SAMD3: variants seen among roughly 807,000 people sequenced by gnomAD.
SAMD3 encodes sterile alpha motif domain containing 3.
SAMD3 carries 63 observed loss-of-function variants against 58.5 expected under a neutral mutation model. That is an observed-to-expected ratio of 1.08 (90% CI 0.88 to 1.33). The LOEUF (loss-of-function observed/expected upper bound fraction) is 1.33. Ranked by LOEUF, SAMD3 falls within the 40% of genes most tolerant of loss-of-function variation. The pLI, the probability that SAMD3 is intolerant of heterozygous loss-of-function variation, is 0.00. For synonymous variants in SAMD3, 220 were observed against 210.3 expected (o/e 1.05, Z -0.40); for missense variants, 604 against 608.4 (o/e 0.99, Z 0.08).
intron 5 of SAMD3, among the ~76,000 whole-genome samples, chr6:130,202,517 A>C (rs1794730016): frequency 6.6e-6 from 1 of 152,212 alleles, no homozygotes. Flanking sequence ...GCACTCAGTA[A>C]TTATTTACAT....
chr6:130,175,884 A>G lies in SAMD3; in HGVS notation c.779T>C (p.Leu260Pro), dbSNP rs1483648170. ...AATTTCATCAAATCTTATATCAGCA[A>G]GAGATTTCCTTGTCTGGCCTCTTCG... is the stretch of plus-strand genomic sequence containing the variant. ...GHRRGQTRKS[L>P]ADIRFDEIKL... Residue 260 changes from leucine to proline, a missense_variant, in exon 8 of 12, where the codon CTT becomes CCT. Leu to Pro is a moderately conservative substitution (Grantham distance 98). Coordinates refer to ENST00000439090, the MANE Select transcript of SAMD3 (RefSeq NM_001017373.4). 2 of 1,612,144 alleles carry G rather than the reference A, an allele frequency of 1.2e-6. No homozygotes were observed. The highest frequency in any genetic ancestry group is 1.1e-5 in the South Asian group (1 of 90,940).
chr6:130,283,563 AG>A (rs1238233656), intron 2 of SAMD3, among the ~76,000 whole-genome samples: 1 of 152,220 alleles, frequency 6.6e-6, no homozygotes. Flanking sequence ...TTTAATAGCA[AG>A]AAAAAAGGCT....
chr6:130,202,911 C>T (rs1053742221), intron 5 of SAMD3, among the ~76,000 whole-genome samples: 3 of 152,148 alleles, frequency 2.0e-5, no homozygotes, highest in South Asian at 2.1e-4. Flanking sequence ...TGATGCCCCC[C>T]CTCCTCCCCC....
intron 9 of SAMD3, among the ~76,000 whole-genome samples, chr6:130,152,854 T>C (rs1582724818): frequency 6.6e-6 from 1 of 152,172 alleles, no homozygotes; most frequent in East Asian, 1.9e-4. Context: ...GGGGACAGCA[T>C]CAGGTCTGAA....
chr6:130,186,411 T>C (rs1445809227), intron 5 of SAMD3, among the ~76,000 whole-genome samples: 2 of 152,200 alleles, frequency 1.3e-5, no homozygotes, highest in African/African-American at 2.4e-5. Context: ...CCTTTCCTTT[T>C]TTCCCCCTTT....
chr6:130,223,257 G>A (rs1796287364), upstream of SAMD3, among the ~76,000 whole-genome samples: 1 of 152,134 alleles, frequency 6.6e-6, no homozygotes, highest in South Asian at 2.1e-4. Flanking sequence ...TCAAAGCTTT[G>A]CATCTCAGAA....
At chr6:130,353,916 T>C (rs1777751424) in intron 1 of SAMD3, among the ~76,000 whole-genome samples, 1 of 151,978 alleles carries the variant, frequency 6.6e-6, no homozygotes, top group African/African-American at 2.4e-5. Flanking sequence ...ATTTGCAAAC[T>C]ATGCATCTGA....
chr6:130,354,369 T>C (rs1050455376), intron 1 of SAMD3, among the ~76,000 whole-genome samples: 1 of 152,184 alleles, frequency 6.6e-6, no homozygotes, highest in African/African-American at 2.4e-5. Context: ...AAAGACACAT[T>C]CATGCATATG....
chr6:130,321,667 T>A (rs1583102929), intron 1 of SAMD3, among the ~76,000 whole-genome samples: 4 of 151,712 alleles, frequency 2.6e-5, no homozygotes, highest in Admixed American at 2.6e-4. Context: ...TTATTATATG[T>A]TATATATGTG....
chr6:130,202,016 C>G (rs570341100), intron 5 of SAMD3, among the ~76,000 whole-genome samples: 2 of 152,190 alleles, frequency 1.3e-5, no homozygotes, highest in Non-Finnish European at 2.9e-5. Context: ...CCATCCCCAA[C>G]CCCATGTCTA....
chr6:130,289,004 T>C (rs567111767), intron 2 of SAMD3, among the ~76,000 whole-genome samples: 233 of 152,366 alleles, frequency 1.5e-3, no homozygotes, highest in Non-Finnish European at 2.5e-3. Context: ...TTTCATGGAT[T>C]AGACCTACTG....
At chr6:130,178,624 G>A (rs1364111346) in intron 7 of SAMD3, among the ~76,000 whole-genome samples, 1 of 152,208 alleles carries the variant, frequency 6.6e-6, no homozygotes, top group East Asian at 1.9e-4. Context: ...CATAGCCTAA[G>A]TTGGGAAGAC....
At position 130,262,800 on chromosome 6, in the gene SAMD3, T is replaced by C. The variant is rs539659571; in HGVS notation, c.-187-39987A>G. 2.8e-4 allele frequency among the ~76,000 whole-genome samples: 43 copies of C among 152,282 alleles called. No homozygotes were observed. The Middle Eastern group carries it at 0.01, about 36-fold the overall frequency. ...GGTTATAAATATGTATATTTTGTTT[T>C]AAAGGTTTAATCAAGTTTCAAAATG... On this transcript the variant is annotated intron_variant, in intron 2 of 13. Coordinates refer to the SAMD3 transcript ENST00000368134.
At chr6:130,213,981 A>T (rs1795801844) in intron 4 of SAMD3, among the ~76,000 whole-genome samples, 1 of 152,198 alleles carries the variant, frequency 6.6e-6, no homozygotes, top group South Asian at 2.1e-4. Context: ...AAAGCAAAGA[A>T]GCAATCAAGA....
chr6:130,208,006 G>A (rs1399997606), intron 5 of SAMD3, among the ~76,000 whole-genome samples: 1 of 152,254 alleles, frequency 6.6e-6, no homozygotes, highest in African/African-American at 2.4e-5. Context: ...CTCTCACGCT[G>A]AGGGTGGCTA....
At chr6:130,281,411 A>T (rs995623109) in intron 2 of SAMD3, among the ~76,000 whole-genome samples, 1 of 152,170 alleles carries the variant, frequency 6.6e-6, no homozygotes, top group African/African-American at 2.4e-5. Flanking sequence ...TTAGAGGTGC[A>T]CCATTGCCAA....
chr6:130,315,782 T>C (rs986812514), intron 1 of SAMD3, among the ~76,000 whole-genome samples: 3 of 152,090 alleles, frequency 2.0e-5, no homozygotes, highest in Admixed American at 6.5e-5. Context: ...AAATTATTGG[T>C]AAACAGTAAT....
chr6:130,282,972 AT>A (rs1384101495), intron 2 of SAMD3, among the ~76,000 whole-genome samples: 2 of 152,182 alleles, frequency 1.3e-5, no homozygotes, highest in Non-Finnish European at 2.9e-5. Context: ...AACCCCAAGA[AT>A]TTCAGCTCCT....
intron 5 of SAMD3, among the ~76,000 whole-genome samples, chr6:130,206,068 C>G (rs1463010238): frequency 6.6e-6 from 1 of 152,212 alleles, no homozygotes; most frequent in East Asian, 1.9e-4. Flanking sequence ...TGCCCCATCT[C>G]AGCCCACAGC....
Sources: allele counts gnomAD v4.1 joint callset (sites outside exome capture counted in the v4.1 genomes callset), GRCh38; gene constraint gnomAD v4.1.1; transcripts MANE v1.5; gene names NCBI Gene and HGNC (gene_info 2026-07-23, HGNC 2026-07-21).